Variants in FOXN3 observed in about 807,000 individuals in gnomAD.
FOXN3 encodes the protein forkhead box protein N3.
A neutral mutation model predicts 38.4 loss-of-function variants in FOXN3; 7 were observed. The observed-to-expected ratio is 0.18, with a 90% CI of 0.10 to 0.34. The LOEUF (loss-of-function observed/expected upper bound fraction) is 0.34. FOXN3 is among the 10% of genes least tolerant of loss of function. The pLI, the probability that FOXN3 is intolerant of heterozygous loss-of-function variation, is 1.00. For missense variants in FOXN3, 456 were observed against 613.4 expected, an observed-to-expected ratio of 0.74 and a Z score of 2.71; for synonymous variants, 230 against 242.2, an observed-to-expected ratio of 0.95 and a Z score of 0.47.
chr14:89,421,011 C>G (rs988377459), upstream of FOXN3, among the ~76,000 whole-genome samples: 3 of 149,408 alleles, frequency 2.0e-5, no homozygotes, highest in Admixed American at 6.6e-5. Flanking sequence ...TCATACAAAA[C>G]AGAATGAAGA....
intron 1 of FOXN3, among the ~76,000 whole-genome samples, chr14:89,611,805 CAA>C (rs56373132): frequency 0.011 from 941 of 89,186 alleles, 4 homozygotes; most frequent in African/African-American, 0.043. Flanking sequence ...GACTCCGTCT[CAA>C]AAAAAAAAAA....
At chr14:89,319,185 GC>G (rs1887829605) in intron 3 of FOXN3, among the ~76,000 whole-genome samples, 2 of 152,208 alleles carry the variant, frequency 1.3e-5, no homozygotes, top group African/African-American at 4.8e-5. Context: ...AGGCAGAACA[GC>G]TTTGGAAGGT....
chr14:89,298,172 A>G (rs1467611463), intron 3 of FOXN3, among the ~76,000 whole-genome samples: 1 of 152,232 alleles, frequency 6.6e-6, no homozygotes, highest in Non-Finnish European at 1.5e-5. Context: ...GGTAAATGCA[A>G]TAAGCCAGTC....
chr14:89,520,117 G>A (rs1445596963), intron 1 of FOXN3, among the ~76,000 whole-genome samples: 4 of 146,316 alleles, frequency 2.7e-5, no homozygotes, highest in East Asian at 2.0e-4. Context: ...AGGCTCAAGC[G>A]ATCCTCCCAC....
At chr14:89,243,766 A>G (rs1474318214) in intron 4 of FOXN3, among the ~76,000 whole-genome samples, 2 of 152,134 alleles carry the variant, frequency 1.3e-5, no homozygotes, top group Non-Finnish European at 2.9e-5. Context: ...CAACAATCCT[A>G]TTTTCACCAT....
chr14:89,172,758 A>G (rs181518433), intron 5 of FOXN3, among the ~76,000 whole-genome samples: 1 of 152,192 alleles, frequency 6.6e-6, no homozygotes, highest in African/African-American at 2.4e-5. Context: ...TGGGAAAAAG[A>G]GGGGCTACTT....
chr14:89,391,213 C>G, intron 2 of FOXN3, among the ~76,000 whole-genome samples: 1 of 152,196 alleles, frequency 6.6e-6, no homozygotes, highest in East Asian at 1.9e-4. Context: ...GTGAATCCTC[C>G]TCCTCGAAAA....
chr14:89,322,764 A>C (rs1887932048), intron 3 of FOXN3, among the ~76,000 whole-genome samples: 1 of 152,112 alleles, frequency 6.6e-6, no homozygotes, highest in Admixed American at 6.5e-5. Flanking sequence ...GGCAAGAAGG[A>C]GGCCAAGTGG....
At chr14:89,605,004 A>G (rs1896240086) in intron 1 of FOXN3, among the ~76,000 whole-genome samples, 1 of 152,072 alleles carries the variant, frequency 6.6e-6, no homozygotes, top group African/African-American at 2.4e-5. Flanking sequence ...ACAATAGCTT[A>G]AAGAGTTTTC....
At chr14:89,406,198 C>T (rs1188510451) in intron 2 of FOXN3, among the ~76,000 whole-genome samples, 2 of 151,772 alleles carry the variant, frequency 1.3e-5, no homozygotes, top group South Asian at 2.1e-4. Flanking sequence ...CTGCTTGCCT[C>T]GGCCTCCCAA....
In FOXN3 at chr14:89,161,574, T is replaced by TGTGTGTGTGTGTGTGC. The variant is rs1887101884; in HGVS notation, c.*839_*840insGCACACACACACACAC. 4 of 145,010 alleles carry TGTGTGTGTGTGTGTGC rather than the reference T, an allele frequency of 2.8e-5. No individual in the cohort carries two copies. The highest frequency in any genetic ancestry group is 1.5e-4 in the Admixed American group (2 of 13,662). The allele number at this position is 145,010 out of a possible 1,614,324, so 9.0% of individuals were successfully genotyped here. A position where few individuals can be genotyped will look rare whatever the true frequency, so the allele number is the denominator to read the frequency against. On this transcript the variant is annotated 3_prime_UTR_variant, in exon 6 of 6. Coordinates refer to ENST00000557258, the MANE Select transcript of FOXN3 (RefSeq NM_005197.4). ...TCTCCTTCGTGTGTGTGTGTGTGTGTGTGTGTGTGTGTGTGTGTGTGTGCG... is the reference window on the plus strand; with the variant it reads ...TCTCCTTCGTGTGTGTGTGTGTGTGTGTGTGTGTGTGTGTGCGTGTGTGTGTGTGTGTGTGTGTGCG...
intron 3 of FOXN3, among the ~76,000 whole-genome samples, chr14:89,347,752 G>A (rs918861590): frequency 1.3e-5 from 2 of 152,178 alleles, no homozygotes; most frequent in African/African-American, 4.8e-5. Flanking sequence ...AAGAGATTGA[G>A]ACCAGCCTGG....
At chr14:89,281,503 T>C (rs930210381) in intron 3 of FOXN3, among the ~76,000 whole-genome samples, 6 of 152,168 alleles carry the variant, frequency 3.9e-5, no homozygotes, top group Non-Finnish European at 7.4e-5. Context: ...CCTTAATCGA[T>C]TTCCTCCTTC....
chr14:89,360,301 GGA>G (rs1256965194), intron 2 of FOXN3, among the ~76,000 whole-genome samples: 1 of 150,766 alleles, frequency 6.6e-6, no homozygotes, highest in Non-Finnish European at 1.5e-5. Flanking sequence ...AGAGAGGGAT[GGA>G]GAGAGAGAGG....
rs202006470 is a variant in FOXN3 at position 89,412,195 on chromosome 14, G to T, written c.282C>A (p.Thr94=). 1 of 1,613,512 alleles carries T rather than the reference G, an allele frequency of 6.2e-7. No individual in the cohort carries two copies. Among genetic ancestry groups the T allele is most frequent in the East Asian group, 2.2e-5 (1 of 44,858 alleles). Residue 94 remains threonine, a synonymous_variant, in exon 2 of 6, where the codon ACC becomes ACA. Coordinates refer to ENST00000557258, the MANE Select transcript of FOXN3 (RefSeq NM_005197.4). The surrounding 1 kb of genome is among the most constrained non-coding windows in gnomAD (Gnocchi z 4.7). The part of the protein sequence containing the change: ...VSPVQDLDDD[T]PPSPAHSDMP... ...TGTCAGAGTGGGCAGGGGATGGGGGGGTGTCATCGTCCAGGTCCTGGACGG... is the reference window on the plus strand; with the variant it reads ...TGTCAGAGTGGGCAGGGGATGGGGGTGTGTCATCGTCCAGGTCCTGGACGG...
intron 4 of FOXN3, among the ~76,000 whole-genome samples, chr14:89,204,526 T>G (rs1396339102): frequency 6.6e-6 from 1 of 152,184 alleles, no homozygotes; most frequent in Non-Finnish European, 1.5e-5. Flanking sequence ...TTTAAAAAAC[T>G]TTTTTATAGT....
intron 1 of FOXN3, among the ~76,000 whole-genome samples, chr14:89,528,750 C>G (rs911538436): frequency 2.4e-4 from 37 of 151,968 alleles, no homozygotes; most frequent in African/African-American, 8.7e-4. Flanking sequence ...CACACACACA[C>G]CCCTCAAAAA....
At chr14:89,300,647 C>T (rs1887191561) in intron 3 of FOXN3, among the ~76,000 whole-genome samples, 1 of 152,158 alleles carries the variant, frequency 6.6e-6, no homozygotes, top group Non-Finnish European at 1.5e-5. Flanking sequence ...ATCCCATAGT[C>T]CACCACGAAG....
At chr14:89,235,048 T>C (rs953907061) in intron 4 of FOXN3, among the ~76,000 whole-genome samples, 2 of 152,206 alleles carry the variant, frequency 1.3e-5, no homozygotes, top group Admixed American at 6.5e-5. Flanking sequence ...CCTTGAACTA[T>C]GGTCACTTCT....
Sources: gnomAD v4.1 joint callset for allele counts (sites outside exome capture counted in the v4.1 genomes callset) on GRCh38, gnomAD v4.1.1 for gene constraint, Gnocchi (gnomAD v3.1) non-coding constraint, MANE v1.5 for transcripts, NCBI Gene and HGNC (gene_info 2026-07-23, HGNC 2026-07-21) for gene names.